The following ABLIM2 variants were observed in gnomAD, a reference collection of about 807,000 sequenced individuals.
ABLIM2 encodes the protein actin binding LIM protein family member 2, also known as actin-binding LIM protein 2.
Under a neutral mutation model 97.7 loss-of-function variants are expected in ABLIM2, and 53 were observed. The ratio of observed to expected loss-of-function variants is 0.54; its 90% CI spans 0.44 to 0.68. ABLIM2 has a LOEUF of 0.68. Among genes scored for constraint, ABLIM2 ranks in the 30% least tolerant of loss-of-function variants. The pLI, the probability that ABLIM2 is intolerant of heterozygous loss-of-function variation, is 0.00. For missense variants in ABLIM2, 835 were observed against 867.2 expected (o/e 0.96, Z 0.47); for synonymous variants, 361 against 345.8 (o/e 1.04, Z -0.49).
chr4:8,015,873 T>A lies in ABLIM2; in HGVS notation c.1423+3745A>T, dbSNP rs939795924. 1.7e-3 allele frequency among the ~76,000 whole-genome samples: 253 copies of A among 152,252 alleles called. 2 individuals carry two copies. Among genetic ancestry groups the A allele is most frequent in the Non-Finnish European group, 1.3e-3 (88 of 68,014 alleles). The stretch of plus-strand genomic sequence containing the variant: ...CTCATGAAATCCTTTTATTTATTTA[T>A]TTTTATTTTTGAGTTTTTCATCTTT... On this transcript the variant is annotated intron_variant, in intron 14 of 20. Coordinates refer to ENST00000447017, the MANE Select transcript of ABLIM2 (RefSeq NM_001130083.2). The surrounding 1 kb of genome is among the most constrained non-coding windows in gnomAD (Gnocchi z 4.6).
In ABLIM2 at chr4:7,983,331, TCATA is replaced by T. The variant is rs1197406135; in HGVS notation, c.1753_1756del (p.Tyr585ThrfsTer11). ...AATTCGGTTTGTGACGATGAGGGAG[TCATA>T]CGGATAGATCTGTTGGGGGAGGAAA... On this transcript the variant is annotated frameshift_variant, in exon 20 of 21. Coordinates refer to ENST00000447017, the MANE Select transcript of ABLIM2 (RefSeq NM_001130083.2). LOFTEE classifies it high-confidence loss of function. 1 of 1,611,114 alleles carries T rather than the reference TCATA, an allele frequency of 6.2e-7. No homozygotes were observed. Among genetic ancestry groups the T allele is most frequent in the African/African-American group, 1.3e-5 (1 of 74,524 alleles).
intron 14 of ABLIM2, among the ~76,000 whole-genome samples, chr4:8,010,221 T>A (rs995788185): frequency 3.9e-5 from 6 of 152,242 alleles, no homozygotes; most frequent in Non-Finnish European, 5.9e-5. Flanking sequence ...TGGGCTGACA[T>A]TTCCAGCGAA....
At chr4:8,097,489 T>G (rs562508793) in intron 2 of ABLIM2, among the ~76,000 whole-genome samples, 1 of 152,130 alleles carries the variant, frequency 6.6e-6, no homozygotes, top group East Asian at 1.9e-4. Flanking sequence ...TGGTGGTGAG[T>G]GGACTTTCCT....
In ABLIM2 at chr4:8,150,055, T is replaced by C. The variant is rs1249220098; in HGVS notation, c.10+8625A>G. On this transcript the variant is annotated intron_variant, in intron 1 of 20. Coordinates refer to ENST00000447017, the MANE Select transcript of ABLIM2 (RefSeq NM_001130083.2). The surrounding 1 kb of genome is among the most constrained non-coding windows in gnomAD (Gnocchi z 6.3). ...CCTGCACCCAAGTTCCCACTGCACC[T>C]ACTCAGGGAGCCTAAATGGAGAGAG... Among the ~76,000 whole-genome samples, 1 of 152,086 alleles carries C rather than the reference T, an allele frequency of 6.6e-6. No individual in the cohort carries two copies. The highest frequency in any genetic ancestry group is 2.4e-5 in the African/African-American group (1 of 41,410).
At chr4:8,006,980 G>T (rs1761859790) in intron 16 of ABLIM2, 1 of 976,310 alleles carries the variant, frequency 1.0e-6, no homozygotes, top group South Asian at 4.7e-5. Flanking sequence ...GGCCTGAGGG[G>T]TGCACAGACA....
At chr4:8,121,490 C>T (rs939210570) in intron 1 of ABLIM2, among the ~76,000 whole-genome samples, 4 of 152,180 alleles carry the variant, frequency 2.6e-5, no homozygotes, top group African/African-American at 7.2e-5. Flanking sequence ...GGAGGTGTCC[C>T]GGAGGGTCAG....
At chr4:8,141,787 T>G (rs1104930) in intron 1 of ABLIM2, among the ~76,000 whole-genome samples, 4,998 of 152,300 alleles carry the variant, frequency 0.033, 238 homozygotes, top group African/African-American at 0.11. Context: ...TAAAGGAGAA[T>G]TTGCAACCAG....
At chr4:7,993,980 AC>A in intron 16 of ABLIM2, 1 of 503,840 alleles carries the variant, frequency 2.0e-6, no homozygotes, top group East Asian at 5.7e-5. Flanking sequence ...GAGGAAGTGA[AC>A]GCCTGCCTGG....
At chr4:8,045,815 G>A (rs1019710628) in intron 8 of ABLIM2, among the ~76,000 whole-genome samples, 58 of 152,260 alleles carry the variant, frequency 3.8e-4, no homozygotes, top group African/African-American at 5.3e-4. Context: ...TGCAAGCTCC[G>A]GTTATGCTCA....
rs892344166 is a variant in ABLIM2 at position 8,127,436 on chromosome 4, C to A, written c.11-20799G>T. On this transcript the variant is annotated intron_variant, in intron 1 of 20. Coordinates refer to ENST00000447017, the MANE Select transcript of ABLIM2 (RefSeq NM_001130083.2). This position sits in a 1 kb window ranked among gnomAD's most constrained non-coding sequence, Gnocchi z 7.3. The stretch of plus-strand genomic sequence containing the variant: ...ACTGGACCCGTCCTTTCCCACCAGA[C>A]CCCTGAAGCTGATTCATGGAGCTCA... 6.5e-6 allele frequency: 8 copies of A among 1,232,724 alleles called. No individual in the cohort carries two copies. Among genetic ancestry groups the A allele is most frequent in the African/African-American group, 6.2e-5 (4 of 64,570 alleles). 76.4% of individuals were successfully genotyped at this position (1,232,724 alleles called of 1,614,324 possible).
In ABLIM2 at chr4:8,125,208, G is replaced by A. The variant is rs1847313736; in HGVS notation, c.11-18571C>T. ...CTCACGATGTCTTTGGCATCACAGA[G>A]GTTTTTGATGAAATCCAGTCGTCTA... On this transcript the variant is annotated intron_variant, in intron 1 of 20. Coordinates refer to ENST00000447017, the MANE Select transcript of ABLIM2 (RefSeq NM_001130083.2). The surrounding 1 kb of genome is among the most constrained non-coding windows in gnomAD (Gnocchi z 6.2). Among the ~76,000 whole-genome samples the A allele has an allele frequency of 6.6e-6, 1 of 152,178 alleles. No homozygotes were observed. The highest frequency in any genetic ancestry group is 1.5e-5 in the Non-Finnish European group (1 of 68,028).
In ABLIM2 at chr4:8,054,618, T is replaced by A. The variant is rs896838646; in HGVS notation, c.764-372A>T. ...AGGGGTTTCAAGTCCCTGCCTAGGA[T>A]GTAGGATTGGCTGCCTGCATGTTGA... On this transcript the variant is annotated intron_variant, in intron 7 of 20. Transcript: ENST00000447017. This position sits in a 1 kb window ranked among gnomAD's most constrained non-coding sequence, Gnocchi z 4.9. Among the ~76,000 whole-genome samples the A allele has an allele frequency of 1.3e-5, 2 of 152,142 alleles. No homozygotes were observed. Among genetic ancestry groups the A allele is most frequent in the African/African-American group, 4.8e-5 (2 of 41,434 alleles).
In ABLIM2 at chr4:7,966,148, G is replaced by A. The variant is rs2292735; in HGVS notation, c.*842C>T. The A allele has an allele frequency of 0.14, 20,775 of 152,428 alleles. 1,789 individuals carry two copies. Among genetic ancestry groups the A allele is most frequent in the East Asian group, 0.29 (1,518 of 5,170 alleles). 9.4% of individuals were successfully genotyped at this position (152,428 alleles called of 1,614,324 possible). On this transcript the variant is annotated 3_prime_UTR_variant, in exon 21 of 21. Transcript: ENST00000447017. Reference sequence around the variant, plus strand: ...GAAAAAAGAAAAAGAAAAGAAACTAGACAGGGAGCTCTGTGTATGAGGACC... The same window carrying A: ...GAAAAAAGAAAAAGAAAAGAAACTAAACAGGGAGCTCTGTGTATGAGGACC...
At chr4:7,990,515 T>G (rs1289175268) in intron 17 of ABLIM2, among the ~76,000 whole-genome samples, 2 of 152,150 alleles carry the variant, frequency 1.3e-5, no homozygotes, top group Non-Finnish European at 2.9e-5. Context: ...GTTTGTTTGT[T>G]TGTTTTGATG....
chr4:8,047,701 T>C (rs1327359753), intron 8 of ABLIM2, among the ~76,000 whole-genome samples: 1 of 152,240 alleles, frequency 6.6e-6, no homozygotes, highest in Non-Finnish European at 1.5e-5. Context: ...TATGAATACA[T>C]TGAAACACCC....
intron 1 of ABLIM2, among the ~76,000 whole-genome samples, chr4:8,134,545 T>A (rs1849916668): frequency 6.6e-6 from 1 of 152,194 alleles, no homozygotes; most frequent in Non-Finnish European, 1.5e-5. Flanking sequence ...ACATGCCCCG[T>A]CTGCCTCCTG....
At chr4:8,134,032 G>A (rs1849822268) in intron 1 of ABLIM2, among the ~76,000 whole-genome samples, 1 of 152,220 alleles carries the variant, frequency 6.6e-6, no homozygotes, top group Admixed American at 6.5e-5. Flanking sequence ...GCCCTCTGCA[G>A]CTGCTACGGC....
rs1276351714 is a variant in ABLIM2, at chr4:8,045,521, C to T, written c.823-280G>A. The stretch of plus-strand genomic sequence containing the variant: ...AAAATTAGCCGGGTGTGGTGGCGGG[C>T]ACCTGTAATCCCAGCTACTCAGGAG... On this transcript the variant is annotated intron_variant, in intron 8 of 20. Coordinates refer to ENST00000447017, the MANE Select transcript of ABLIM2 (RefSeq NM_001130083.2). Among the ~76,000 whole-genome samples the T allele has an allele frequency of 2.0e-5, 3 of 152,162 alleles. No individual in the cohort carries two copies. In the East Asian group the frequency reaches 5.8e-4, roughly 29 times the overall value.
intron 14 of ABLIM2, among the ~76,000 whole-genome samples, 195 bp from the exon 15 acceptor site, chr4:8,009,297 T>A (rs1262508632): frequency 6.6e-6 from 1 of 152,170 alleles, no homozygotes; most frequent in Non-Finnish European, 1.5e-5. Context: ...CCAGGGAGCA[T>A]CAGCAGCAGG....
Sources: gnomAD v4.1 joint callset for allele counts (sites outside exome capture counted in the v4.1 genomes callset) on GRCh38, gnomAD v4.1.1 for gene constraint, Gnocchi (gnomAD v3.1) non-coding constraint, MANE v1.5 for transcripts, NCBI Gene and HGNC (gene_info 2026-07-23, HGNC 2026-07-21) for gene names.